Variants in CCDC88A observed in about 807,000 individuals in gnomAD.
CCDC88A encodes the protein coiled-coil and HOOK domain protein 88A.
Under a neutral mutation model 234.3 loss-of-function variants are expected in CCDC88A, and 54 were observed. The observed-to-expected ratio is 0.23, with a 90% CI of 0.19 to 0.29. The LOEUF (loss-of-function observed/expected upper bound fraction) is 0.29, where lower values mean the gene tolerates loss of function less well. CCDC88A is among the 10% of genes least tolerant of loss of function. The pLI, the probability that CCDC88A is intolerant of heterozygous loss-of-function variation, is 1.00. For synonymous variants in CCDC88A, 753 were observed against 737.8 expected, an observed-to-expected ratio of 1.02 and a Z score of -0.33; for missense variants, 1,832 against 2,123.4, an observed-to-expected ratio of 0.86 and a Z score of 2.70.
At chr2:55,351,925 G>A (rs1359867395) in intron 8 of CCDC88A, among the ~76,000 whole-genome samples, 4 of 152,130 alleles carry the variant, frequency 2.6e-5, no homozygotes. Flanking sequence ...GCTACAACAT[G>A]GATGAACCTG....
chr2:55,334,559 T>C lies in CCDC88A; in HGVS notation c.2262A>G (p.Leu754=), dbSNP rs755232803. The part of the protein sequence containing the change: ...LKASFKKTER[L]EVSYQGLDIE... ...TATCTAAACCCTGGTAGCTAACTTC[T>C]AAGCGTTCTGTTTTCTTGAAAGATG... Residue 754 remains leucine, a synonymous_variant, in exon 15 of 33, where the codon TTA becomes TTG. Transcript: ENST00000436346. The surrounding 1 kb of genome is among the most constrained non-coding windows in gnomAD (Gnocchi z 6.1). 12 of 1,613,010 alleles carry C rather than the reference T, an allele frequency of 7.4e-6. No individual in the cohort carries two copies. The highest frequency in any genetic ancestry group is 1.0e-5 in the Non-Finnish European group (12 of 1,179,684).
At chr2:55,305,244 A>T (rs1681409412) in intron 25 of CCDC88A, among the ~76,000 whole-genome samples, 1 of 152,236 alleles carries the variant, frequency 6.6e-6, no homozygotes, top group Admixed American at 6.5e-5. Context: ...TGGACAGGAT[A>T]AAAGGAGTTT....
chr2:55,318,365 A>T (rs1244731170), intron 19 of CCDC88A, among the ~76,000 whole-genome samples: 1 of 152,140 alleles, frequency 6.6e-6, no homozygotes, highest in Admixed American at 6.5e-5. Context: ...CTGCTCTTTA[A>T]GAGCTTTCAG....
intron 26 of CCDC88A, 176 bp downstream of exon 26, chr2:55,302,893 A>T: frequency 1.8e-6 from 1 of 543,144 alleles, no homozygotes. Context: ...GGACATATAC[A>T]TAATGCAAAT....
At chr2:55,414,499 A>C (rs145034114) in intron 2 of CCDC88A, among the ~76,000 whole-genome samples, 6 of 152,324 alleles carry the variant, frequency 3.9e-5, no homozygotes, top group Non-Finnish European at 8.8e-5. Context: ...CTTCCTTCCC[A>C]TTAGTTTAAG....
At chr2:55,340,002 T>C (rs77928790) in intron 12 of CCDC88A, 2,620 of 158,838 alleles carry the variant, frequency 0.016, 45 homozygotes, top group East Asian at 0.059. Context: ...TTTTATTTTT[T>C]AGTAAAGACT....
rs549630633 is a variant in CCDC88A, at chr2:55,318,810, T to C, written c.3324+33A>G. 305 of 1,508,242 alleles carry C rather than the reference T, an allele frequency of 2.0e-4. 3 individuals carry two copies. In the South Asian group the frequency reaches 3.8e-3, roughly 19 times the overall value. 93.4% of individuals were successfully genotyped at this position (1,508,242 alleles called of 1,614,324 possible). A position where few individuals can be genotyped will look rare whatever the true frequency, so the allele number is the denominator to read the frequency against. ...ATTTTAATAGCATAATTCAAGAGTT[T>C]GGTTGCATATTCCCAAAATATTATA... On this transcript the variant is annotated intron_variant, in intron 19 of 32. Coordinates refer to ENST00000436346, the MANE Select transcript of CCDC88A (RefSeq NM_001365480.1).
intron 2 of CCDC88A, chr2:55,404,831 G>C (rs55828034): frequency 0.51 from 77,078 of 152,216 alleles, 21,618 homozygotes; most frequent in Admixed American, 0.63. Flanking sequence ...CCGGGCTCAA[G>C]CAATTCTCCT....
At chr2:55,295,383 C>G in intron 31 of CCDC88A, 1 of 1,542,698 alleles carries the variant, frequency 6.5e-7, no homozygotes, top group South Asian at 1.2e-5. Flanking sequence ...TGGTCCTATG[C>G]TATCTTTTGC....
intron 22 of CCDC88A, chr2:55,313,806 A>C (rs1230189337): frequency 6.6e-6 from 1 of 152,216 alleles, no homozygotes; most frequent in Non-Finnish European, 1.5e-5. Context: ...ATTATACTAT[A>C]ATCATAAACA....
At chr2:55,377,648 C>A (rs1265680024) in intron 3 of CCDC88A, among the ~76,000 whole-genome samples, 1 of 151,958 alleles carries the variant, frequency 6.6e-6, no homozygotes. Context: ...CTTGCTCTGT[C>A]GCCTAGGCTG....
chr2:55,343,168 T>G (rs1056211881), intron 12 of CCDC88A, among the ~76,000 whole-genome samples: 1 of 152,092 alleles, frequency 6.6e-6, no homozygotes, highest in African/African-American at 2.4e-5. Flanking sequence ...GCAGGTATAA[T>G]CTTATAATGG....
chr2:55,301,004 A>T (rs1680832126), intron 28 of CCDC88A: 5 of 510,868 alleles, frequency 9.8e-6, no homozygotes, highest in Non-Finnish European at 1.7e-5. Flanking sequence ...TGGCTAAAAC[A>T]GAGAACATTT....
At chr2:55,314,355 A>T (rs992493828) in intron 22 of CCDC88A, 1 of 152,244 alleles carries the variant, frequency 6.6e-6, no homozygotes, top group African/African-American at 2.4e-5. Flanking sequence ...AAAGAGCATT[A>T]TCAGTGTCAA....
chr2:55,325,921 A>T (rs1161040488), intron 17 of CCDC88A, among the ~76,000 whole-genome samples: 1 of 152,178 alleles, frequency 6.6e-6, no homozygotes, highest in Non-Finnish European at 1.5e-5. Context: ...TACTTTGTCT[A>T]ACATTAATAT....
chr2:55,395,788 G>A (rs1454547780), intron 2 of CCDC88A, among the ~76,000 whole-genome samples: 1 of 152,180 alleles, frequency 6.6e-6, no homozygotes, highest in Non-Finnish European at 1.5e-5. Context: ...AAGACTATTA[G>A]TAAGGTAAGC....
intron 16 of CCDC88A, among the ~76,000 whole-genome samples, chr2:55,331,627 T>G (rs2917777): frequency 1.3e-5 from 2 of 151,288 alleles, no homozygotes; most frequent in East Asian, 3.9e-4. Flanking sequence ...GCTGGATTCA[T>G]GGAGCTGACT....
chr2:55,375,468 A>AATAT (rs1558768191), intron 3 of CCDC88A, among the ~76,000 whole-genome samples: 16 of 129,692 alleles, frequency 1.2e-4, no homozygotes, highest in East Asian at 2.8e-4. Context: ...CTGTCACTGT[A>AATAT]CTATATATAT....
At chr2:55,382,228 A>G (rs57255544) in intron 3 of CCDC88A, among the ~76,000 whole-genome samples, 1 of 152,118 alleles carries the variant, frequency 6.6e-6, no homozygotes, top group Non-Finnish European at 1.5e-5. Flanking sequence ...CAAAGTATCT[A>G]TTTTTTTAGA....
Sources: gnomAD v4.1 joint callset for allele counts (sites outside exome capture counted in the v4.1 genomes callset) on GRCh38, gnomAD v4.1.1 for gene constraint, Gnocchi (gnomAD v3.1) non-coding constraint, MANE v1.5 for transcripts, NCBI Gene and HGNC (gene_info 2026-07-23, HGNC 2026-07-21) for gene names.